Variants in RANBP2 observed in about 807,000 individuals in gnomAD.
RANBP2 encodes RAN binding protein 2.
A neutral mutation model predicts 303.6 loss-of-function variants in RANBP2; 57 were observed. The ratio of observed to expected loss-of-function variants is 0.19; its 90% CI spans 0.15 to 0.23. The LOEUF (loss-of-function observed/expected upper bound fraction) is 0.23, where lower values mean the gene tolerates loss of function less well. Among genes scored for constraint, RANBP2 ranks in the 10% least tolerant of loss-of-function variants. The pLI, the probability that RANBP2 is intolerant of heterozygous loss-of-function variation, is 1.00. For synonymous variants in RANBP2, 1,167 were observed against 1,301.5 expected (o/e 0.90, Z 2.23); for missense variants, 3,138 against 3,780.8 (o/e 0.83, Z 4.46).
chr2:108,942,411 C>A, the RANBP2 span, among the ~76,000 whole-genome samples: 2 of 152,184 alleles, frequency 1.3e-5, no homozygotes, highest in African/African-American at 4.8e-5. Flanking sequence ...GGGCTCCAAG[C>A]GAGTCAAGGG....
chr2:108,976,175 C>T, the RANBP2 span, among the ~76,000 whole-genome samples: 1 of 152,212 alleles, frequency 6.6e-6, no homozygotes, highest in Non-Finnish European at 1.5e-5. Flanking sequence ...ATTTAATCAT[C>T]ACACATCCTT....
the RANBP2 span, among the ~76,000 whole-genome samples, chr2:109,114,209 G>A: frequency 6.6e-6 from 1 of 152,184 alleles, no homozygotes; most frequent in Admixed American, 6.5e-5. Context: ...CAGAAGGAAT[G>A]GTACCAGTTC....
chr2:108,738,646 G>A (rs1371315162), intron 6 of RANBP2, among the ~76,000 whole-genome samples: 1 of 47,300 alleles, frequency 2.1e-5, no homozygotes, highest in Non-Finnish European at 4.3e-5. Context: ...TTTTTTTTTT[G>A]AGACGGAGTT....
chr2:109,661,261 T>C, the RANBP2 span, among the ~76,000 whole-genome samples: 2 of 144,342 alleles, frequency 1.4e-5, no homozygotes, highest in Admixed American at 6.9e-5. Context: ...TTTTTTTTTT[T>C]TCTGAGACGG....
the RANBP2 span, among the ~76,000 whole-genome samples, chr2:108,976,639 C>T: frequency 6.6e-6 from 1 of 152,112 alleles, no homozygotes; most frequent in African/African-American, 2.4e-5. Context: ...TCCATCCGTC[C>T]ATTATTTATT....
chr2:108,990,394 G>A, the RANBP2 span, among the ~76,000 whole-genome samples: 4 of 142,588 alleles, frequency 2.8e-5, no homozygotes, highest in Admixed American at 3.0e-4. Context: ...TTGCGCCACT[G>A]CAGTCCGCAG....
At chr2:109,327,662 C>G in the RANBP2 span, among the ~76,000 whole-genome samples, 17 of 152,202 alleles carry the variant, frequency 1.1e-4, no homozygotes, top group Admixed American at 1.1e-3. Flanking sequence ...AGTAAAATTG[C>G]ATAATATCCT....
chr2:109,063,515 A>G, the RANBP2 span, among the ~76,000 whole-genome samples: 1 of 152,210 alleles, frequency 6.6e-6, no homozygotes, highest in African/African-American at 2.4e-5. Flanking sequence ...AGTCGGCCAG[A>G]AACACCTGCT....
chr2:109,174,901 C>T, the RANBP2 span, among the ~76,000 whole-genome samples: 1 of 152,200 alleles, frequency 6.6e-6, no homozygotes, highest in Non-Finnish European at 1.5e-5. Context: ...CTCTTTTAGG[C>T]TTGTCTAGCA....
At chr2:109,014,395 T>C in the RANBP2 span, among the ~76,000 whole-genome samples, 2 of 152,178 alleles carry the variant, frequency 1.3e-5, no homozygotes, top group Non-Finnish European at 1.5e-5. Context: ...GCATTCTTCT[T>C]CTCTCAGCTT....
chr2:109,528,483 C>A, the RANBP2 span, among the ~76,000 whole-genome samples: 1 of 152,168 alleles, frequency 6.6e-6, no homozygotes, highest in South Asian at 2.1e-4. Context: ...GGGTGCAAGA[C>A]CAGGATGCCC....
At chr2:108,773,855 A>G (rs1407903875) in intron 23 of RANBP2, among the ~76,000 whole-genome samples, 1 of 152,042 alleles carries the variant, frequency 6.6e-6, no homozygotes, top group Non-Finnish European at 1.5e-5. Context: ...CACCATGTTG[A>G]CCAGGATGGT....
the RANBP2 span, among the ~76,000 whole-genome samples, chr2:109,610,966 T>C: frequency 6.6e-6 from 1 of 152,182 alleles, no homozygotes; most frequent in Non-Finnish European, 1.5e-5. Flanking sequence ...TATTTCAGAC[T>C]TACACAGCTA....
the RANBP2 span, among the ~76,000 whole-genome samples, chr2:108,997,619 C>T: frequency 6.6e-5 from 10 of 151,796 alleles, no homozygotes; most frequent in Admixed American, 3.3e-4. Context: ...TGGCCGAGCA[C>T]GGTGGATCAC....
the RANBP2 span, among the ~76,000 whole-genome samples, chr2:108,813,639 T>TA: frequency 6.6e-6 from 1 of 152,198 alleles, no homozygotes; most frequent in South Asian, 2.1e-4. Context: ...ATAAATTACA[T>TA]ATGGTAACAT....
the RANBP2 span, chr2:108,798,451 A>G: frequency 3.1e-6 from 5 of 1,613,262 alleles, no homozygotes; most frequent in African/African-American, 4.0e-5. Flanking sequence ...CACAACAGAA[A>G]TTTGCTGAAG....
chr2:109,490,875 C>T, the RANBP2 span: 15 of 1,532,874 alleles, frequency 9.8e-6, no homozygotes, highest in Middle Eastern at 1.3e-3. Context: ...ATCTCCTTCC[C>T]GGCAAGCTCC....
chr2:109,535,444 G>A, the RANBP2 span, among the ~76,000 whole-genome samples: 5 of 152,222 alleles, frequency 3.3e-5, no homozygotes, highest in Admixed American at 6.5e-5. Flanking sequence ...CATTTGACAC[G>A]GGTAGGGCTG....
chr2:108,867,745 T>C, the RANBP2 span, among the ~76,000 whole-genome samples: 1 of 152,244 alleles, frequency 6.6e-6, no homozygotes, highest in Non-Finnish European at 1.5e-5. Context: ...TTTAGCCTTA[T>C]CCAGTTTGAG....
Sources: gnomAD v4.1 joint callset for allele counts (sites outside exome capture counted in the v4.1 genomes callset) on GRCh38, gnomAD v4.1.1 for gene constraint, MANE v1.5 for transcripts, NCBI Gene and HGNC (gene_info 2026-07-23, HGNC 2026-07-21) for gene names.